The following DNMT3A variants were observed in gnomAD, a reference collection of about 807,000 sequenced individuals.
DNMT3A encodes the protein DNA (cytosine-5)-methyltransferase 3A.
Under a neutral mutation model 117.6 loss-of-function variants are expected in DNMT3A, and 267 were observed. The observed-to-expected ratio is 2.27, with a 90% confidence interval of 2.05 to 2.51. The LOEUF is 2.51. Among genes scored for constraint, DNMT3A ranks in the 30% most tolerant of loss-of-function variants. DNMT3A has a pLI of 0.00. For synonymous variants in DNMT3A, 432 were observed against 474.8 expected (o/e 0.91, Z 1.17); for missense variants, 1,029 against 1,260.2 (o/e 0.82, Z 2.78).
At chr2:25,275,600 G>A in intron 4 of DNMT3A, 57 bp from the exon 5 acceptor site, 1 of 1,536,990 alleles carries the variant, frequency 6.5e-7, no homozygotes, top group Non-Finnish European at 8.7e-7. Flanking sequence ...TTACTGGAGT[G>A]GCTCACAGGC....
intron 3 of DNMT3A, among the ~76,000 whole-genome samples, chr2:25,299,476 A>G (rs980974805): frequency 1.3e-5 from 2 of 152,132 alleles, no homozygotes; most frequent in Non-Finnish European, 2.9e-5. Flanking sequence ...GCCTTCATAG[A>G]TAGTCCAGGG....
chr2:25,285,343 G>A (rs997642930), intron 3 of DNMT3A, among the ~76,000 whole-genome samples: 1 of 152,194 alleles, frequency 6.6e-6, no homozygotes, highest in Non-Finnish European at 1.5e-5. Context: ...TAGGGACAAG[G>A]GCCTTGGGAA....
At chr2:25,320,705 G>A (rs1418003517) in intron 1 of DNMT3A, among the ~76,000 whole-genome samples, 1 of 152,022 alleles carries the variant, frequency 6.6e-6, no homozygotes, top group Non-Finnish European at 1.5e-5. Flanking sequence ...GTGAATAATA[G>A]TTTTATCGAA....
rs1267320725 is a variant in DNMT3A at position 25,241,577 on chromosome 2, G to A, written c.2067C>T (p.Ser689=). The A allele has an allele frequency of 1.9e-6, 3 of 1,613,652 alleles. No individual in the cohort carries two copies. The highest frequency in any genetic ancestry group is 1.7e-5 in the Admixed American group (1 of 59,902). The part of the protein sequence containing the change: ...GKIMYVGDVR[S]VTQKHIQEWG... Reference sequence around the variant, plus strand: ...ATGGACATACATGCTTCTGTGTGACGCTGCGGACGTCCCCGACGTACATGA... The same window carrying A: ...ATGGACATACATGCTTCTGTGTGACACTGCGGACGTCCCCGACGTACATGA... Residue 689 remains serine, a synonymous_variant, in exon 17 of 23, where the codon AGC becomes AGT. Coordinates refer to ENST00000321117, the MANE Select transcript of DNMT3A (RefSeq NM_022552.5).
At chr2:25,253,907 A>C (rs1292729209) in intron 6 of DNMT3A, among the ~76,000 whole-genome samples, 1 of 152,096 alleles carries the variant, frequency 6.6e-6, no homozygotes, top group African/African-American at 2.4e-5. Context: ...CCTTGTCTCT[A>C]CTAAAAATAC....
chr2:25,283,437 A>T (rs2032049400), intron 3 of DNMT3A, among the ~76,000 whole-genome samples: 1 of 150,520 alleles, frequency 6.6e-6, no homozygotes, highest in Non-Finnish European at 1.5e-5. Context: ...AGAAGATTCC[A>T]GTGCCACCAG....
intron 2 of DNMT3A, among the ~76,000 whole-genome samples, chr2:25,307,160 G>A (rs185537828): frequency 2.6e-5 from 4 of 152,224 alleles, no homozygotes; most frequent in Non-Finnish European, 4.4e-5. Flanking sequence ...GCCCTTCCAT[G>A]CAGCACAAAC....
Position 25,235,810 on chromosome 2 carries a change from TC to T in DNMT3A, c.2493del (p.Thr832ProfsTer9), listed in dbSNP as rs1335215440. Reference sequence around the variant, plus strand: ...ATGGAGTTTGACCTCGTAGTAATGGTCCTCACTTTGCTGAACTAGATGAAGA... The same window carrying T: ...ATGGAGTTTGACCTCGTAGTAATGGTCTCACTTTGCTGAACTAGATGAAGA... ...HGRIAKFSKV[R>X]TITTRSNSIK... On this transcript the variant is annotated frameshift_variant, in exon 22 of 23. Transcript: ENST00000321117. LOFTEE classifies it high-confidence loss of function. The T allele has an allele frequency of 6.2e-7, 1 of 1,613,964 alleles. No homozygotes were observed.
intron 10 of DNMT3A, 82 bp downstream of exon 10, chr2:25,246,538 C>A: frequency 6.5e-7 from 1 of 1,537,388 alleles, no homozygotes; most frequent in Non-Finnish European, 8.7e-7. Flanking sequence ...CTTGGCAGCC[C>A]TCCCTAAGCA....
At chr2:25,301,059 A>G (rs1417320947) in intron 2 of DNMT3A, among the ~76,000 whole-genome samples, 1 of 151,276 alleles carries the variant, frequency 6.6e-6, no homozygotes, top group African/African-American at 2.4e-5. Flanking sequence ...TCATGAGGTC[A>G]GGAGATTGAG....
At chr2:25,297,093 G>A (rs555966239) in intron 3 of DNMT3A, among the ~76,000 whole-genome samples, 1 of 152,278 alleles carries the variant, frequency 6.6e-6, no homozygotes, top group Admixed American at 6.5e-5. Flanking sequence ...GCATGGGAGG[G>A]GAAGAGGCCA....
At chr2:25,269,057 C>T (rs1045446017) in intron 6 of DNMT3A, among the ~76,000 whole-genome samples, 1 of 152,246 alleles carries the variant, frequency 6.6e-6, no homozygotes, top group East Asian at 1.9e-4. Context: ...TGCAGTGGCT[C>T]ATGCCTGTAA....
Position 25,327,909 on chromosome 2 carries a change from A to T in DNMT3A, c.-177-13748T>A, listed in dbSNP as rs1190042397. Among the ~76,000 whole-genome samples, 1 of 151,998 alleles carries T rather than the reference A, an allele frequency of 6.6e-6. No homozygotes were observed. The highest frequency in any genetic ancestry group is 1.5e-5 in the Non-Finnish European group (1 of 67,976). On this transcript the variant is annotated intron_variant, in intron 1 of 22. Coordinates refer to ENST00000321117, the MANE Select transcript of DNMT3A (RefSeq NM_022552.5). This position sits in a 1 kb window ranked among gnomAD's most constrained non-coding sequence, Gnocchi z 4.1. ...TCCCACCTTTCCCCTGGGTCCTCACATCCAGCAGGTACCTGGTCCTTGGGC... is the reference window on the plus strand; with the variant it reads ...TCCCACCTTTCCCCTGGGTCCTCACTTCCAGCAGGTACCTGGTCCTTGGGC...
At position 25,248,210 on chromosome 2, in the gene DNMT3A, C is replaced by A; in HGVS notation, c.682G>T (p.Glu228Ter). Residue 228 changes from glutamate to a stop codon, truncating the protein, a stop_gained, in exon 7 of 23, where the codon GAA becomes TAA. Coordinates refer to ENST00000321117, the MANE Select transcript of DNMT3A (RefSeq NM_022552.5). LOFTEE classifies it high-confidence loss of function. ...AKVIAGMNAV[E>*]ENQGPGESQK... is the part of the protein sequence containing the mutation. ...GACTCCCCGGGCCCCTGGTTTTCTT[C>A]CACAGCATTCATTCCTGCAATGACC... 6.2e-7 allele frequency: 1 copy of A among 1,612,440 alleles called. No individual in the cohort carries two copies. The highest frequency in any genetic ancestry group is 8.5e-7 in the Non-Finnish European group (1 of 1,179,554).
intron 1 of DNMT3A, among the ~76,000 whole-genome samples, chr2:25,319,827 TG>T (rs2034527259): frequency 2.6e-5 from 4 of 151,532 alleles, no homozygotes; most frequent in Non-Finnish European, 5.9e-5. Context: ...TGGAGTGCAG[TG>T]GCGCATTCTC....
chr2:25,279,074 A>G (rs530933830), intron 4 of DNMT3A, among the ~76,000 whole-genome samples: 1 of 152,130 alleles, frequency 6.6e-6, no homozygotes, highest in Non-Finnish European at 1.5e-5. Context: ...AATACTCAAT[A>G]AGGGAAAGCC....
rs1359186929 is a variant in DNMT3A, at chr2:25,282,367, G to A, written c.448+74C>T. The A allele has an allele frequency of 5.1e-6, 8 of 1,553,478 alleles. No homozygotes were observed. The highest frequency in any genetic ancestry group is 7.0e-6 in the Non-Finnish European group (8 of 1,147,302). ...CAGACCATCCTTCCTGGGACCTGCTGGAGAGCCAAGTCCCTGACTCTCAGG... is the reference window on the plus strand; with the variant it reads ...CAGACCATCCTTCCTGGGACCTGCTAGAGAGCCAAGTCCCTGACTCTCAGG... On this transcript the variant is annotated intron_variant, in intron 4 of 22. Coordinates refer to ENST00000321117, the MANE Select transcript of DNMT3A (RefSeq NM_022552.5). The surrounding 1 kb of genome is among the most constrained non-coding windows in gnomAD (Gnocchi z 5.2).
rs1004410189 is a variant in DNMT3A, at chr2:25,281,402, G to C, written c.448+1039C>G. 14 of 1,007,450 alleles carry C rather than the reference G, an allele frequency of 1.4e-5. No homozygotes were observed. Among genetic ancestry groups the C allele is most frequent in the African/African-American group, 6.9e-5 (4 of 58,314 alleles). 62.4% of individuals were successfully genotyped at this position (1,007,450 alleles called of 1,614,324 possible). A position where few individuals can be genotyped will look rare whatever the true frequency, so the allele number is the denominator to read the frequency against. On this transcript the variant is annotated intron_variant, in intron 4 of 22. Coordinates refer to ENST00000321117, the MANE Select transcript of DNMT3A (RefSeq NM_022552.5). This position sits in a 1 kb window ranked among gnomAD's most constrained non-coding sequence, Gnocchi z 4.8. ...CCCTCTGTAGTGTTCTGCACATAGT[G>C]GGAGCATCATACATATTTGTCGAAT...
chr2:25,341,395 G>C (rs1321039963), intron 1 of DNMT3A, among the ~76,000 whole-genome samples: 1 of 145,638 alleles, frequency 6.9e-6, no homozygotes, highest in Non-Finnish European at 1.5e-5. Flanking sequence ...GCGGGGCCGC[G>C]GGGCTGGGGC....
Sources: gnomAD v4.1 joint callset for allele counts (sites outside exome capture counted in the v4.1 genomes callset) on GRCh38, gnomAD v4.1.1 for gene constraint, Gnocchi (gnomAD v3.1) non-coding constraint, MANE v1.5 for transcripts, NCBI Gene and HGNC (gene_info 2026-07-23, HGNC 2026-07-21) for gene names.